Variants in MSRA observed in about 807,000 individuals in gnomAD.
The protein encoded by MSRA is methionine sulfoxide reductase A, also known as mitochondrial peptide methionine sulfoxide reductase.
A neutral mutation model predicts 31.3 loss-of-function variants in MSRA; 54 were observed. The observed-to-expected ratio is 1.73, with a 90% CI of 1.39 to 2.17. MSRA has a LOEUF of 2.17. MSRA is among the 30% of genes most tolerant of loss of function. MSRA has a pLI of 0.00. For missense variants in MSRA, 507 were observed against 300.9 expected (o/e 1.69, Z -5.07); for synonymous variants, 169 against 116.5 (o/e 1.45, Z -2.90).
chr8:10,117,212 C>G (rs918127161), intron 1 of MSRA, among the ~76,000 whole-genome samples: 7 of 152,024 alleles, frequency 4.6e-5, no homozygotes, highest in African/African-American at 7.2e-5. Context: ...TGTTGAGTTC[C>G]TAGGTTTGAT....
At chr8:10,155,177 C>G (rs1479767895) in intron 1 of MSRA, among the ~76,000 whole-genome samples, 1 of 151,956 alleles carries the variant, frequency 6.6e-6, no homozygotes, top group African/African-American at 2.4e-5. Context: ...AAATACTGAA[C>G]TTTTTTAAGT....
chr8:10,237,812 C>G (rs1465437911), intron 2 of MSRA, among the ~76,000 whole-genome samples: 1 of 152,170 alleles, frequency 6.6e-6, no homozygotes, highest in African/African-American at 2.4e-5. Context: ...AGATTCTAAT[C>G]ATGACCCATG....
At chr8:10,089,935 C>G (rs942775609) in intron 1 of MSRA, among the ~76,000 whole-genome samples, 1 of 152,172 alleles carries the variant, frequency 6.6e-6, no homozygotes, top group Non-Finnish European at 1.5e-5. Context: ...AGCCGAACAC[C>G]TTCCACGAGG....
chr8:10,155,535 C>G (rs1353596855), intron 1 of MSRA, among the ~76,000 whole-genome samples: 1 of 152,198 alleles, frequency 6.6e-6, no homozygotes, highest in East Asian at 1.9e-4. Flanking sequence ...ATGAGCATCT[C>G]TCATGCCCAG....
chr8:10,258,542 C>T (rs535556420), intron 3 of MSRA, among the ~76,000 whole-genome samples: 145 of 152,268 alleles, frequency 9.5e-4, no homozygotes, highest in Non-Finnish European at 1.8e-3. Flanking sequence ...TCCCCTCATG[C>T]GTTAAATAAG....
chr8:10,223,827 G>A (rs1038399321), intron 2 of MSRA, among the ~76,000 whole-genome samples: 2 of 152,106 alleles, frequency 1.3e-5, no homozygotes, highest in African/African-American at 2.4e-5. Flanking sequence ...AGAAAGATGG[G>A]TATAAAACGT....
rs376395908 is a variant in MSRA, at chr8:10,054,661, A to G, written c.142+3A>G. ...GAAGGAACAGACCCCTGTAGCGGGT[A>G]AGCACTGGCCACACGGAAGGCGCGG... On this transcript the variant is annotated splice_donor_region_variant and intron_variant, in intron 1 of 5. Coordinates refer to ENST00000317173, the MANE Select transcript of MSRA (RefSeq NM_012331.5). The G allele has an allele frequency of 1.9e-6, 3 of 1,546,870 alleles. No individual in the cohort carries two copies. In the African/African-American group the frequency reaches 4.3e-5, roughly 22 times the overall value.
chr8:10,073,060 C>T (rs1401083672), intron 1 of MSRA, among the ~76,000 whole-genome samples: 1 of 151,888 alleles, frequency 6.6e-6, no homozygotes, highest in Admixed American at 6.6e-5. Context: ...AATCTGTGTG[C>T]CTTTTGTTTT....
At chr8:10,200,702 A>C (rs1324469810) in intron 1 of MSRA, among the ~76,000 whole-genome samples, 4 of 152,078 alleles carry the variant, frequency 2.6e-5, no homozygotes, top group African/African-American at 9.7e-5. Context: ...ACATGCTGCT[A>C]TTGGGGGCAA....
chr8:10,393,235 A>G (rs1806877317), intron 5 of MSRA, among the ~76,000 whole-genome samples: 1 of 152,132 alleles, frequency 6.6e-6, no homozygotes, highest in Non-Finnish European at 1.5e-5. Flanking sequence ...AGACGAGCCC[A>G]TTCTGCTTTC....
At chr8:10,222,837 A>G (rs1810646056) in intron 2 of MSRA, among the ~76,000 whole-genome samples, 1 of 152,202 alleles carries the variant, frequency 6.6e-6, no homozygotes, top group South Asian at 2.1e-4. Context: ...GGGGCTGGAG[A>G]GATGTTGGTC....
chr8:10,253,111 G>T (rs1212660602), intron 3 of MSRA, among the ~76,000 whole-genome samples: 2 of 152,196 alleles, frequency 1.3e-5, no homozygotes, highest in African/African-American at 2.4e-5. Flanking sequence ...AGGCTGGCAA[G>T]CAGCAAAACA....
chr8:10,073,650 C>G (rs1455873249), intron 1 of MSRA, among the ~76,000 whole-genome samples: 3 of 152,070 alleles, frequency 2.0e-5, no homozygotes, highest in African/African-American at 7.2e-5. Flanking sequence ...TGGCTAAGAC[C>G]TAGAGCTTGA....
intron 1 of MSRA, among the ~76,000 whole-genome samples, chr8:10,066,791 T>A (rs1797474893): frequency 1.3e-5 from 2 of 152,080 alleles, no homozygotes; most frequent in Non-Finnish European, 2.9e-5. Flanking sequence ...TACCTCACCC[T>A]CCCAAAGTGC....
At chr8:10,257,963 G>A (rs1563277969) in intron 3 of MSRA, among the ~76,000 whole-genome samples, 4 of 152,184 alleles carry the variant, frequency 2.6e-5, no homozygotes, top group South Asian at 2.1e-4. Context: ...CACGTTGATG[G>A]CCTTTACATA....
At chr8:10,086,136 A>G (rs1423223377) in intron 1 of MSRA, among the ~76,000 whole-genome samples, 1 of 152,210 alleles carries the variant, frequency 6.6e-6, no homozygotes, top group Non-Finnish European at 1.5e-5. Context: ...ACTGTTTATC[A>G]TGTTATATTC....
At chr8:10,057,244 C>A (rs371205958) in intron 1 of MSRA, among the ~76,000 whole-genome samples, 2 of 152,158 alleles carry the variant, frequency 1.3e-5, no homozygotes, top group Non-Finnish European at 2.9e-5. Flanking sequence ...CTGGGCAGTG[C>A]TGGCTGGCTG....
At chr8:10,411,122 A>G (rs1191955380) in intron 5 of MSRA, 3 of 151,966 alleles carry the variant, frequency 2.0e-5, no homozygotes. Context: ...CCTCTTTGTT[A>G]TTCTCTTGGC....
chr8:10,151,534 C>T (rs755167981), intron 1 of MSRA, among the ~76,000 whole-genome samples: 2 of 152,066 alleles, frequency 1.3e-5, no homozygotes, highest in Non-Finnish European at 2.9e-5. Flanking sequence ...CCTGTAGTCC[C>T]AGCTACTCGG....
Sources: gnomAD v4.1 joint callset for allele counts (sites outside exome capture counted in the v4.1 genomes callset) on GRCh38, gnomAD v4.1.1 for gene constraint, MANE v1.5 for transcripts, NCBI Gene and HGNC (gene_info 2026-07-23, HGNC 2026-07-21) for gene names.